Variants in ITPR1 observed in about 807,000 individuals in gnomAD.
ITPR1 encodes the protein inositol 1,4,5-trisphosphate-gated calcium channel ITPR1.
ITPR1 carries 96 observed loss-of-function variants against 318.4 expected under a neutral mutation model. The ratio of observed to expected loss-of-function variants is 0.30; its 90% confidence interval spans 0.26 to 0.36. The LOEUF is 0.36. ITPR1 is among the 10% of genes least tolerant of loss of function. ITPR1 has a pLI of 1.00. For missense variants in ITPR1, 2,440 were observed against 3,460.2 expected (o/e 0.71, Z 7.40); for synonymous variants, 1,312 against 1,289.9 (o/e 1.02, Z -0.37).
rs993936435 is a variant in ITPR1 at position 4,630,139 on chromosome 3, T to C, written c.279+2261T>C. Among the ~76,000 whole-genome samples the C allele has an allele frequency of 2.0e-5, 3 of 152,192 alleles. No individual in the cohort carries two copies. The South Asian group carries it at 6.2e-4, about 32-fold the overall frequency. ...AATTATATAGTAAATTGAATACTCT[T>C]CTTAAGTCAATGCTCAGGGATGACT... On this transcript the variant is annotated intron_variant, in intron 5 of 61. Coordinates refer to ENST00000649015, the MANE Select transcript of ITPR1 (RefSeq NM_001378452.1).
intron 2 of ITPR1, among the ~76,000 whole-genome samples, chr3:4,507,850 G>A (rs1013483689): frequency 1.3e-5 from 2 of 152,178 alleles, no homozygotes; most frequent in African/African-American, 4.8e-5. Context: ...TGGTGTTTAA[G>A]GAACCAGGAT....
rs369668482 is a variant in ITPR1 at position 4,779,519 on chromosome 3, A to G, written c.6292-31A>G. 480 of 1,566,512 alleles carry G rather than the reference A, an allele frequency of 3.1e-4. 3 individuals are homozygous for G. The African/African-American group carries it at 5.2e-3, about 17-fold the overall frequency. ...GGCCGGGCCCCCAAGCAGCCCCTCT[A>G]CATTTCCTCTCCCTTTGTTTCTCCA... is the stretch of plus-strand genomic sequence containing the variant. On this transcript the variant is annotated intron_variant, in intron 48 of 61. Transcript: ENST00000649015. This position sits in a 1 kb window ranked among gnomAD's most constrained non-coding sequence, Gnocchi z 4.0.
intron 2 of ITPR1, among the ~76,000 whole-genome samples, chr3:4,495,475 C>A (rs2080476028): frequency 6.6e-6 from 1 of 152,146 alleles, no homozygotes; most frequent in South Asian, 2.1e-4. Context: ...GAGTGAGAAG[C>A]ATTTGGATGT....
chr3:4,579,403 A>G (rs1240477778), intron 4 of ITPR1, among the ~76,000 whole-genome samples: 2 of 152,230 alleles, frequency 1.3e-5, no homozygotes, highest in African/African-American at 2.4e-5. Context: ...GTATATATGT[A>G]TAACATATAT....
At chr3:4,716,635 C>T (rs2041783533) in intron 39 of ITPR1, among the ~76,000 whole-genome samples, 1 of 152,286 alleles carries the variant, frequency 6.6e-6, no homozygotes, top group African/African-American at 2.4e-5. Context: ...ACTAGTGTTT[C>T]TGACAGCAAC....
At chr3:4,705,529 T>C (rs1405499954) in intron 36 of ITPR1, among the ~76,000 whole-genome samples, 1 of 152,238 alleles carries the variant, frequency 6.6e-6, no homozygotes, top group Non-Finnish European at 1.5e-5. Flanking sequence ...TCTCTTCTGG[T>C]CTGTGACCAT....
chr3:4,807,514 T>C (rs1282981630), intron 55 of ITPR1, among the ~76,000 whole-genome samples: 4 of 152,152 alleles, frequency 2.6e-5, no homozygotes, highest in Non-Finnish European at 5.9e-5. Flanking sequence ...GCTGTTCAGG[T>C]CAGGGTCTTA....
chr3:4,836,744 T>TG, intron 60 of ITPR1, 30 bp from the exon 61 acceptor site: 2 of 890,236 alleles, frequency 2.2e-6, no homozygotes, highest in East Asian at 8.4e-5. Context: ...TCTTTTTTTT[T>TG]TTTTTTTTTT....
At chr3:4,713,744 G>A (rs959088770) in intron 39 of ITPR1, among the ~76,000 whole-genome samples, 1 of 152,224 alleles carries the variant, frequency 6.6e-6, no homozygotes, top group South Asian at 2.1e-4. Flanking sequence ...GGTTCCTGGG[G>A]TCTAGCTTAA....
At chr3:4,648,048 A>G (rs1419205429) in intron 10 of ITPR1, among the ~76,000 whole-genome samples, 3 of 152,286 alleles carry the variant, frequency 2.0e-5, no homozygotes, top group African/African-American at 4.8e-5. Flanking sequence ...GCTACTCGGG[A>G]GGCTGAGGCA....
chr3:4,588,172 A>G (rs2090081018), intron 4 of ITPR1, among the ~76,000 whole-genome samples: 1 of 152,138 alleles, frequency 6.6e-6, no homozygotes, highest in African/African-American at 2.4e-5. Flanking sequence ...AGGTTTAAGA[A>G]ATGATTTTCT....
chr3:4,730,660 G>A (rs1236793098), intron 42 of ITPR1, among the ~76,000 whole-genome samples: 1 of 151,910 alleles, frequency 6.6e-6, no homozygotes, highest in Non-Finnish European at 1.5e-5. Context: ...ACTGACCAGG[G>A]TCTTGCTGTT....
At chr3:4,619,766 T>TTCTGCCCTCCCTTGCTCTCC (rs1559550162) in intron 4 of ITPR1, among the ~76,000 whole-genome samples, 71 of 4,538 alleles carry the variant, frequency 0.016, 20 homozygotes, top group African/African-American at 0.057. Flanking sequence ...CCCTCCTCTC[T>TTCTGCCCTCCCTTGCTCTCC]TCTGCCCTCC....
chr3:4,829,082 C>G (rs1171323175), intron 60 of ITPR1, among the ~76,000 whole-genome samples: 1 of 152,156 alleles, frequency 6.6e-6, no homozygotes, highest in Non-Finnish European at 1.5e-5. Flanking sequence ...ATAATGCTTT[C>G]CAGTTTGTGG....
Position 4,675,194 on chromosome 3 carries a change from A to C in ITPR1, c.2725A>C (p.Lys909Gln), listed in dbSNP as rs2094159240. 1 of 1,612,602 alleles carries C rather than the reference A, an allele frequency of 6.2e-7. No individual in the cohort carries two copies. Among genetic ancestry groups the C allele is most frequent in the Admixed American group, 1.7e-5 (1 of 59,780 alleles). ...VHVTTIFPIS[K>Q]MAKGEENKGN... ...TGTGACAACAATCTTCCCCATTAGC[A>C]AGATGGCGAAAGGAGAAGAGAATAA... Residue 909 changes from lysine to glutamine, a missense_variant, in exon 23 of 62, where the codon AAG becomes CAG. By Grantham distance (53) the Lys-to-Gln change is moderately conservative. Transcript: ENST00000649015.
chr3:4,800,582 T>G lies in ITPR1; in HGVS notation c.7089T>G (p.Phe2363Leu). The change falls in exon 54 of 62, where the codon TTT (phenylalanine) becomes TTG (leucine). Residue 2363 changes from phenylalanine (F) to leucine (L), a missense_variant. Phe to Leu is a conservative substitution (Grantham distance 22). This residue lies in a region of ITPR1 where 126 missense variants were observed against 150.8 expected (regional missense o/e 0.84). Transcript: ENST00000649015. ...CAGTCGGGTTACAACCCACGTTGTT[T>G]CTTCTGGGCGCTTTCAATGTAAGTG... ...IFSVGLQPTL[F>L]LLGAFNVCNK... 2.5e-6 allele frequency: 4 copies of G among 1,614,082 alleles called. No homozygotes were observed. The highest frequency in any genetic ancestry group is 3.4e-6 in the Non-Finnish European group (4 of 1,179,894).
chr3:4,517,557 A>C (rs542523049), intron 3 of ITPR1, among the ~76,000 whole-genome samples: 4 of 152,296 alleles, frequency 2.6e-5, no homozygotes, highest in African/African-American at 9.6e-5. Flanking sequence ...TCAGGGAGCA[A>C]ATTATTATAG....
chr3:4,595,622 G>A (rs1399635209), intron 4 of ITPR1, among the ~76,000 whole-genome samples: 1 of 152,166 alleles, frequency 6.6e-6, no homozygotes, highest in African/African-American at 2.4e-5. Flanking sequence ...TGAGGAGCTG[G>A]GGTGTCGGCT....
At chr3:4,556,767 TA>T (rs2086172139) in intron 4 of ITPR1, among the ~76,000 whole-genome samples, 1 of 152,234 alleles carries the variant, frequency 6.6e-6, no homozygotes, top group Admixed American at 6.5e-5. Context: ...ATAAAGCTGC[TA>T]TAAACATCCC....
Sources: gnomAD v4.1 joint callset for allele counts (sites outside exome capture counted in the v4.1 genomes callset) on GRCh38, gnomAD v4.1.1 for gene constraint, gnomAD v4.1.1 regional missense constraint, Gnocchi (gnomAD v3.1) non-coding constraint, MANE v1.5 for transcripts, NCBI Gene and HGNC (gene_info 2026-07-23, HGNC 2026-07-21) for gene names.